The following EFNA5 variants were observed in gnomAD, a reference collection of about 807,000 sequenced individuals.
EFNA5 encodes ephrin A5, also known as ephrin-A5.
Under a neutral mutation model 22.9 loss-of-function variants are expected in EFNA5, and 5 were observed. The observed-to-expected ratio is 0.22, with a 90% confidence interval of 0.11 to 0.46. The LOEUF (loss-of-function observed/expected upper bound fraction) is 0.46, where lower values mean the gene tolerates loss of function less well. Among genes scored for constraint, EFNA5 ranks in the 20% least tolerant of loss-of-function variants. The pLI is 0.99. For synonymous variants in EFNA5, 113 were observed against 112.2 expected (o/e 1.01, Z -0.04); for missense variants, 237 against 293.3 (o/e 0.81, Z 1.40).
intron 1 of EFNA5, among the ~76,000 whole-genome samples, chr5:107,495,640 G>C (rs1052477107): frequency 2.6e-5 from 4 of 152,260 alleles, no homozygotes; most frequent in African/African-American, 9.6e-5. Flanking sequence ...AGGGGAACAC[G>C]AGGAAGTATG....
intron 1 of EFNA5, among the ~76,000 whole-genome samples, chr5:107,537,128 T>C (rs1747947083): frequency 6.6e-6 from 1 of 151,148 alleles, no homozygotes; most frequent in Non-Finnish European, 1.5e-5. Flanking sequence ...AAAATTGAAG[T>C]AGATTTCTCA....
At chr5:107,490,759 C>T (rs1043936629) in intron 1 of EFNA5, among the ~76,000 whole-genome samples, 4 of 152,274 alleles carry the variant, frequency 2.6e-5, no homozygotes, top group East Asian at 1.9e-4. Flanking sequence ...TGCCTTACAG[C>T]GGCTACTCAG....
chr5:107,655,360 A>G (rs1750800605), intron 1 of EFNA5, among the ~76,000 whole-genome samples: 1 of 152,182 alleles, frequency 6.6e-6, no homozygotes, highest in Non-Finnish European at 1.5e-5. Flanking sequence ...TATAAGAGCA[A>G]CAAAGGTAAA....
At chr5:107,546,423 C>T (rs73777896) in intron 1 of EFNA5, among the ~76,000 whole-genome samples, 113 of 152,308 alleles carry the variant, frequency 7.4e-4, no homozygotes, top group African/African-American at 2.6e-3. Flanking sequence ...CACTCATTCT[C>T]ACCAAATGCT....
At chr5:107,466,526 T>C (rs1293930582) in intron 1 of EFNA5, among the ~76,000 whole-genome samples, 1 of 152,146 alleles carries the variant, frequency 6.6e-6, no homozygotes, top group Non-Finnish European at 1.5e-5. Context: ...GGGCCAAATC[T>C]GGGTGAATGG....
chr5:107,429,863 AT>A (rs1443853573), intron 1 of EFNA5, among the ~76,000 whole-genome samples: 1 of 152,252 alleles, frequency 6.6e-6, no homozygotes, highest in Non-Finnish European at 1.5e-5. Flanking sequence ...TAATATGTAT[AT>A]TTCCCCTTTT....
chr5:107,592,028 T>TAATATATAA (rs1561443294), intron 1 of EFNA5, among the ~76,000 whole-genome samples: 1 of 68,504 alleles, frequency 1.5e-5, no homozygotes, highest in African/African-American at 1.2e-4. Flanking sequence ...ATAATATATA[T>TAATATATAA]TATATATTAT....
chr5:107,619,164 A>T (rs184502090), intron 1 of EFNA5, among the ~76,000 whole-genome samples: 45 of 151,978 alleles, frequency 3.0e-4, no homozygotes, highest in Non-Finnish European at 5.3e-4. Context: ...TGACCTCGTG[A>T]TCCACCCACC....
chr5:107,501,594 G>A (rs1747137595), intron 1 of EFNA5, among the ~76,000 whole-genome samples: 1 of 152,128 alleles, frequency 6.6e-6, no homozygotes, highest in African/African-American at 2.4e-5. Context: ...ATATTTCAGT[G>A]TCTTATTTTG....
intron 1 of EFNA5, among the ~76,000 whole-genome samples, chr5:107,571,418 C>T (rs1028187436): frequency 2.0e-5 from 3 of 152,116 alleles, no homozygotes; most frequent in African/African-American, 7.2e-5. Flanking sequence ...AAAAACATTA[C>T]CCAGCAAAGT....
intron 1 of EFNA5, among the ~76,000 whole-genome samples, chr5:107,664,052 T>G (rs1751021269): frequency 6.6e-6 from 1 of 152,172 alleles, no homozygotes; most frequent in African/African-American, 2.4e-5. Flanking sequence ...GTTTTCAATA[T>G]TTTAAAATAA....
intron 2 of EFNA5, among the ~76,000 whole-genome samples, chr5:107,401,607 G>C (rs1051811075): frequency 6.6e-6 from 1 of 152,198 alleles, no homozygotes; most frequent in African/African-American, 2.4e-5. Flanking sequence ...GGTTGCAGGA[G>C]GGGGAGGTAA....
intron 1 of EFNA5, among the ~76,000 whole-genome samples, chr5:107,641,920 T>C (rs570422162): frequency 3.2e-4 from 48 of 152,144 alleles, no homozygotes; most frequent in African/African-American, 1.1e-3. Context: ...ATCAAGCCCA[T>C]GCTCAACCCA....
At chr5:107,382,890 C>A (rs959683272) in intron 4 of EFNA5, among the ~76,000 whole-genome samples, 2 of 152,170 alleles carry the variant, frequency 1.3e-5, no homozygotes, top group African/African-American at 2.4e-5. Flanking sequence ...CCCTGGATGA[C>A]CCACCTCAAA....
intron 1 of EFNA5, among the ~76,000 whole-genome samples, chr5:107,556,149 C>T (rs1748408264): frequency 6.6e-6 from 1 of 152,196 alleles, no homozygotes; most frequent in South Asian, 2.1e-4. Flanking sequence ...TGTGGATAAA[C>T]ATGCTATCCC....
At position 107,670,614 on chromosome 5, in the gene EFNA5, C is replaced by T. The variant is rs1028630487; in HGVS notation, c.-1G>A. ...GCGTCAACATCTCCACGTGCAACATCACGCCTGGCCAGCGGCGGAGCCCCC... is the reference window on the plus strand; with the variant it reads ...GCGTCAACATCTCCACGTGCAACATTACGCCTGGCCAGCGGCGGAGCCCCC... On this transcript the variant is annotated 5_prime_UTR_variant, in exon 1 of 5. Transcript: ENST00000333274. 1 of 1,601,632 alleles carries T rather than the reference C, an allele frequency of 6.2e-7. No individual in the cohort carries two copies. The highest frequency in any genetic ancestry group is 8.5e-7 in the Non-Finnish European group (1 of 1,174,686).
At chr5:107,523,305 T>G (rs1345210029) in intron 1 of EFNA5, among the ~76,000 whole-genome samples, 4 of 152,188 alleles carry the variant, frequency 2.6e-5, no homozygotes, top group African/African-American at 9.7e-5. Context: ...CCTTTTTTTT[T>G]TTAAGAAATA....
At chr5:107,427,072 G>A in intron 2 of EFNA5, 145 bp downstream of exon 2, 3 of 826,960 alleles carry the variant, frequency 3.6e-6, no homozygotes, top group Non-Finnish European at 5.7e-6. Context: ...CCCAGCTAAT[G>A]TATCTAGGGA....
rs147882024 is a variant in EFNA5, at chr5:107,670,491, G to A, written c.123C>T (p.Pro41=). The A allele has an allele frequency of 3.3e-5, 52 of 1,564,056 alleles. No homozygotes were observed. In the African/African-American group the frequency reaches 6.7e-4, roughly 20 times the overall value. Residue 41 remains proline (P), a splice_region_variant and synonymous_variant, in exon 1 of 5, where the codon CCC becomes CCT. Transcript: ENST00000333274. ...RYAVYWNSSN[P]RFQRGDYHID... ...CTCTCCGCCTGTTATCGGCTTACCT[G>A]GGGTTGCTGCTGTTCCAGTAGACAG...
Sources: allele counts gnomAD v4.1 joint callset (sites outside exome capture counted in the v4.1 genomes callset), GRCh38; gene constraint gnomAD v4.1.1; transcripts MANE v1.5; gene names NCBI Gene and HGNC (gene_info 2026-07-23, HGNC 2026-07-21).